The following PATJ variants were observed in gnomAD, a reference collection of about 807,000 sequenced individuals.
PATJ encodes PATJ crumbs cell polarity complex component.
PATJ carries 190 observed loss-of-function variants against 224.9 expected under a neutral mutation model. The observed-to-expected ratio is 0.84, with a 90% CI of 0.75 to 0.95. The LOEUF (loss-of-function observed/expected upper bound fraction) is 0.95, where lower values mean the gene tolerates loss of function less well. Among genes scored for constraint, PATJ ranks in the 40% least tolerant of loss-of-function variants. The probability of loss-of-function intolerance (pLI) is 0.00; values close to 1 mark genes in which losing one functional copy is unlikely to be tolerated. For missense variants in PATJ, 2,121 were observed against 2,270.3 expected (o/e 0.93, Z 1.34); for synonymous variants, 769 against 820.3 (o/e 0.94, Z 1.07).
intron 27 of PATJ, among the ~76,000 whole-genome samples, chr1:61,941,296 C>A (rs1677780386): frequency 6.6e-6 from 1 of 152,166 alleles, no homozygotes; most frequent in South Asian, 2.1e-4. Flanking sequence ...ATTATTCTAC[C>A]TTGTAGCATT....
At chr1:61,766,937 A>C (rs1557605257) in intron 4 of PATJ, among the ~76,000 whole-genome samples, 1 of 152,186 alleles carries the variant, frequency 6.6e-6, no homozygotes, top group African/African-American at 2.4e-5. Context: ...TACTAAAAAT[A>C]GAAAAATTAG....
At position 61,764,007 on chromosome 1, in the gene PATJ, TTG is replaced by T. The variant is rs960762634; in HGVS notation, c.189+840_189+841del. Among the ~76,000 whole-genome samples, 7 of 149,676 alleles carry T rather than the reference TTG, an allele frequency of 4.7e-5. No homozygotes were observed. In the East Asian group the frequency reaches 5.9e-4, roughly 13 times the overall value. Reference sequence around the variant, plus strand: ...TTGTGTGTGTGTGTGGTCTTTTTTTTTGTGTGTGTGTGTTATTATTATTATTT... The same window carrying T: ...TTGTGTGTGTGTGTGGTCTTTTTTTTTGTGTGTGTGTTATTATTATTATTT... On this transcript the variant is annotated intron_variant, in intron 3 of 43. Coordinates refer to ENST00000642238, the MANE Select transcript of PATJ (RefSeq NM_001350145.3).
chr1:61,944,880 A>G (rs1388331600), intron 27 of PATJ, among the ~76,000 whole-genome samples: 2 of 152,232 alleles, frequency 1.3e-5, no homozygotes, highest in African/African-American at 4.8e-5. Context: ...CGGATCTCTC[A>G]GCAGAGACTC....
At chr1:61,823,504 A>G (rs377390940) in intron 15 of PATJ, among the ~76,000 whole-genome samples, 3 of 152,326 alleles carry the variant, frequency 2.0e-5, no homozygotes, top group East Asian at 3.9e-4. Flanking sequence ...GGCAGCCTCT[A>G]TTGGGCTTGC....
intron 31 of PATJ, among the ~76,000 whole-genome samples, chr1:62,069,583 C>A (rs1212733749): frequency 1.3e-5 from 2 of 152,142 alleles, no homozygotes; most frequent in South Asian, 4.1e-4. Flanking sequence ...AGACCAGATG[C>A]TTTTCAGAAA....
At chr1:61,861,286 T>C (rs1291722787) in intron 18 of PATJ, among the ~76,000 whole-genome samples, 1 of 91,950 alleles carries the variant, frequency 1.1e-5, no homozygotes, top group Non-Finnish European at 2.2e-5. Flanking sequence ...CTTTCTTTCT[T>C]TTTTTTTTTT....
chr1:62,115,742 A>G (rs1176213745), intron 35 of PATJ, among the ~76,000 whole-genome samples: 1 of 151,416 alleles, frequency 6.6e-6, no homozygotes, highest in African/African-American at 2.4e-5. Context: ...ATGTTATGTT[A>G]TATGCCCTCA....
At chr1:61,812,433 A>AGTGTGTGTGTGTGTGTGTGTGTGT (rs71050167) in intron 14 of PATJ, among the ~76,000 whole-genome samples, 12 of 85,186 alleles carry the variant, frequency 1.4e-4, no homozygotes, top group Middle Eastern at 6.0e-3. Context: ...AGAGAGAGAG[A>AGTGTGTGTGTGTGTGTGTGTGTGT]GTGTGTGTGT....
At chr1:61,847,859 G>A (rs1662210610) in intron 17 of PATJ, among the ~76,000 whole-genome samples, 1 of 152,134 alleles carries the variant, frequency 6.6e-6, no homozygotes, top group South Asian at 2.1e-4. Flanking sequence ...CTGTTGCTCT[G>A]AAAATGGCAA....
chr1:62,102,740 G>A (rs1288796394), intron 33 of PATJ, among the ~76,000 whole-genome samples: 3 of 151,422 alleles, frequency 2.0e-5, no homozygotes, highest in African/African-American at 7.3e-5. Flanking sequence ...ACACGCCTTC[G>A]TCCCAGCTAC....
intron 5 of PATJ, among the ~76,000 whole-genome samples, chr1:61,769,878 A>G (rs186694902): frequency 6.6e-6 from 1 of 152,206 alleles, no homozygotes; most frequent in Non-Finnish European, 1.5e-5. Flanking sequence ...TTTGGTGGTC[A>G]TGTTACTCTA....
chr1:62,046,194 G>C (rs1652514669), intron 30 of PATJ, among the ~76,000 whole-genome samples: 1 of 131,512 alleles, frequency 7.6e-6, no homozygotes, highest in Non-Finnish European at 1.6e-5. Flanking sequence ...AGAGTGAGAT[G>C]GTGAAGAAAA....
Position 61,864,270 on chromosome 1 carries a change from A to G in PATJ, c.2472A>G (p.Glu824=). ...GFRDEPYFKE[E]LVDEPFLDLG... ...GAGATGAACCATATTTTAAAGAAGA[A>G]CTTGTGGATGAACCATTTCTAGATC... The change falls in exon 20 of 44, where the codon GAA becomes GAG. Residue 824 remains glutamate (E), a synonymous_variant. Transcript: ENST00000642238. 1 of 1,610,636 alleles carries G rather than the reference A, an allele frequency of 6.2e-7. No individual in the cohort carries two copies. The highest frequency in any genetic ancestry group is 8.5e-7 in the Non-Finnish European group (1 of 1,178,648).
At position 62,128,067 on chromosome 1, in the gene PATJ, A is replaced by G; in HGVS notation, c.5139A>G (p.Gly1713=). The G allele has an allele frequency of 6.2e-7, 1 of 1,614,138 alleles. No homozygotes were observed. The highest frequency in any genetic ancestry group is 8.5e-7 in the Non-Finnish European group (1 of 1,180,006). ...TTATTGCCATGATTCAGGCTAGCGG[A>G]GTGGCCGCACGGACACAGAAGCTTA... The part of the protein sequence containing the change: ...PVFIAMIQAS[G]VAARTQKLKV... The change falls in exon 40 of 44, where the codon GGA becomes GGG. Residue 1713 remains glycine (G), a synonymous_variant. Coordinates refer to ENST00000642238, the MANE Select transcript of PATJ (RefSeq NM_001350145.3).
At chr1:61,827,123 G>A (rs1025265593) in intron 15 of PATJ, among the ~76,000 whole-genome samples, 11 of 152,220 alleles carry the variant, frequency 7.2e-5, no homozygotes, top group African/African-American at 2.4e-4. Context: ...AGAAACCACA[G>A]TGCTGCAAAA....
chr1:61,779,352 C>T (rs12062500), intron 7 of PATJ, among the ~76,000 whole-genome samples: 1 of 152,208 alleles, frequency 6.6e-6, no homozygotes, highest in South Asian at 2.1e-4. Context: ...GGCAGAATGT[C>T]TGAGGAAGCT....
In PATJ at chr1:61,787,896, A is replaced by G. The variant is rs1648901294; in HGVS notation, c.992A>G (p.Asp331Gly). ...RMLVARDPAG[D>G]ISVTPPAPAA... ...CTCGTTGCTAGAGATCCAGCTGGTG[A>G]CATTTCAGTCACCCCCCCTGCCCCT... The change falls in exon 8 of 44, where the codon GAC becomes GGC. Residue 331 changes from aspartate (D) to glycine (G), a missense_variant. Asp to Gly is a moderately conservative substitution (Grantham distance 94, BLOSUM62 -1). Transcript: ENST00000642238. The G allele has an allele frequency of 6.2e-7, 1 of 1,614,108 alleles. No homozygotes were observed. Among genetic ancestry groups the G allele is most frequent in the Admixed American group, 1.7e-5 (1 of 60,004 alleles).
intron 4 of PATJ, among the ~76,000 whole-genome samples, chr1:61,767,979 C>G (rs1646385172): frequency 6.6e-6 from 1 of 151,874 alleles, no homozygotes; most frequent in Non-Finnish European, 1.5e-5. Context: ...CCAGTTCTAT[C>G]TCTTTCATCT....
intron 41 of PATJ, among the ~76,000 whole-genome samples, chr1:62,139,911 C>T (rs1667330139): frequency 6.6e-6 from 1 of 151,954 alleles, no homozygotes; most frequent in Non-Finnish European, 1.5e-5. Flanking sequence ...AGTCATGAAC[C>T]ACCACGCCCA....
Sources: allele counts gnomAD v4.1 joint callset (sites outside exome capture counted in the v4.1 genomes callset), GRCh38; gene constraint gnomAD v4.1.1; transcripts MANE v1.5; gene names NCBI Gene and HGNC (gene_info 2026-07-23, HGNC 2026-07-21).